Variants in DLG2 observed in about 807,000 individuals in gnomAD.
DLG2 encodes the protein discs large MAGUK scaffold protein 2.
A neutral mutation model predicts 132.5 loss-of-function variants in DLG2; 45 were observed. The ratio of observed to expected loss-of-function variants is 0.34; its 90% CI spans 0.27 to 0.44. The LOEUF is 0.44. Ranked by LOEUF, DLG2 falls within the 20% of genes least tolerant of loss-of-function variation. The pLI, the probability that DLG2 is intolerant of heterozygous loss-of-function variation, is 1.00. For synonymous variants in DLG2, 424 were observed against 419.6 expected, an observed-to-expected ratio of 1.01 and a Z score of -0.13; for missense variants, 1,045 against 1,196.9, an observed-to-expected ratio of 0.87 and a Z score of 1.87.
intron 6 of DLG2, among the ~76,000 whole-genome samples, chr11:85,070,700 C>T (rs1182166792): frequency 1.3e-5 from 2 of 151,816 alleles, no homozygotes; most frequent in East Asian, 1.9e-4. Flanking sequence ...CTACACTCTA[C>T]TGTGCTATAT....
intron 16 of DLG2, among the ~76,000 whole-genome samples, chr11:83,865,276 A>G (rs971090408): frequency 6.6e-6 from 1 of 152,148 alleles, no homozygotes; most frequent in Non-Finnish European, 1.5e-5. Context: ...TTCCCTTCCC[A>G]GACACATGAC....
intron 6 of DLG2, chr11:84,720,154 A>T (rs1596470585): frequency 9.5e-6 from 6 of 630,836 alleles, no homozygotes; most frequent in Non-Finnish European, 2.0e-6. Context: ...TGGCCCCCAA[A>T]CCCAGCTGGC....
At chr11:85,557,056 C>G (rs1265727048) in intron 3 of DLG2, among the ~76,000 whole-genome samples, 1 of 151,646 alleles carries the variant, frequency 6.6e-6, no homozygotes, top group Non-Finnish European at 1.5e-5. Context: ...AAGATTCTAC[C>G]AAGAAGCTCC....
At chr11:84,768,857 T>C (rs2068815134) in intron 6 of DLG2, among the ~76,000 whole-genome samples, 1 of 152,186 alleles carries the variant, frequency 6.6e-6, no homozygotes, top group South Asian at 2.1e-4. Context: ...GAAATCTCTC[T>C]CTAGGCCAGC....
chr11:83,627,673 T>A (rs1005719123), intron 19 of DLG2, among the ~76,000 whole-genome samples: 5 of 152,240 alleles, frequency 3.3e-5, no homozygotes, highest in African/African-American at 9.6e-5. Flanking sequence ...GCAATAAACA[T>A]GCGTGTGCAT....
In DLG2 at chr11:85,522,657, C is replaced by A. The variant is rs549715572; in HGVS notation, c.40+76000G>T. ...AGCCCACCGTTTGCATCAGCATGAA[C>A]TGGATGTAAGACATGGAGTCAAAGG... On this transcript the variant is annotated intron_variant, in intron 3 of 27. Coordinates refer to ENST00000376104, the MANE Select transcript of DLG2 (RefSeq NM_001142699.3). 1.4e-4 allele frequency among the ~76,000 whole-genome samples: 22 copies of A among 152,332 alleles called. 1 individual carries two copies. In the South Asian group the frequency reaches 4.3e-3, roughly 30 times the overall value.
At chr11:84,309,716 A>C (rs1001177755) in intron 7 of DLG2, among the ~76,000 whole-genome samples, 7 of 152,246 alleles carry the variant, frequency 4.6e-5, no homozygotes, top group Non-Finnish European at 5.9e-5. Flanking sequence ...ACCATGAAGA[A>C]GGTGGTATCA....
At chr11:84,231,639 G>A (rs1006091142) in intron 8 of DLG2, among the ~76,000 whole-genome samples, 9 of 152,126 alleles carry the variant, frequency 5.9e-5, no homozygotes, top group Non-Finnish European at 1.2e-4. Flanking sequence ...AGGAATGGAG[G>A]AAGATAAGGC....
At chr11:85,623,392 C>A (rs1263256292) in intron 2 of DLG2, among the ~76,000 whole-genome samples, 1 of 152,044 alleles carries the variant, frequency 6.6e-6, no homozygotes, top group African/African-American at 2.4e-5. Flanking sequence ...GCAACCTCCA[C>A]CTCCTGGGTT....
intron 4 of DLG2, among the ~76,000 whole-genome samples, chr11:85,219,890 C>T (rs929602455): frequency 6.6e-5 from 10 of 151,642 alleles, no homozygotes; most frequent in African/African-American, 2.4e-4. Flanking sequence ...GAGAACAGTA[C>T]TCAAGCAACC....
intron 4 of DLG2, among the ~76,000 whole-genome samples, chr11:85,236,282 A>G (rs577476766): frequency 6.6e-6 from 1 of 152,198 alleles, no homozygotes; most frequent in South Asian, 2.1e-4. Flanking sequence ...CTTCTATAAC[A>G]AAACATCACA....
rs72945810 is a variant in DLG2 at position 84,718,649 on chromosome 11, C to A, written c.358-183918G>T. 9.0e-3 allele frequency among the ~76,000 whole-genome samples: 1,375 copies of A among 152,234 alleles called. 11 individuals are homozygous for A. The highest frequency in any genetic ancestry group is 0.013 in the African/African-American group (526 of 41,526). On this transcript the variant is annotated intron_variant, in intron 6 of 27. Transcript: ENST00000376104. The stretch of plus-strand genomic sequence containing the variant: ...ACCTTTGTTAAATATCATTTAGCAC[C>A]GCTAAGTAATTCTTGTAAGTTCATG...
At chr11:84,640,231 G>A (rs908314948) in intron 6 of DLG2, 1 of 306,852 alleles carries the variant, frequency 3.3e-6, no homozygotes, top group South Asian at 3.0e-5. Flanking sequence ...ACATGATCAA[G>A]GGTGTTAACA....
At chr11:84,286,496 A>G (rs1449594641) in intron 7 of DLG2, among the ~76,000 whole-genome samples, 1 of 152,174 alleles carries the variant, frequency 6.6e-6, no homozygotes, top group African/African-American at 2.4e-5. Flanking sequence ...ACATGGAATA[A>G]CTTTTAAAGA....
chr11:83,609,844 T>C (rs1236557820), intron 19 of DLG2, among the ~76,000 whole-genome samples: 1 of 152,216 alleles, frequency 6.6e-6, no homozygotes, highest in Non-Finnish European at 1.5e-5. Flanking sequence ...TATGTCCTCA[T>C]GTAAAATAGA....
intron 6 of DLG2, among the ~76,000 whole-genome samples, chr11:84,657,457 G>A (rs1345473069): frequency 6.6e-6 from 1 of 152,088 alleles, no homozygotes; most frequent in Non-Finnish European, 1.5e-5. Context: ...CTACACATTG[G>A]ACCAGAAGTC....
At chr11:83,857,117 A>C (rs2060655106) in intron 16 of DLG2, among the ~76,000 whole-genome samples, 1 of 152,186 alleles carries the variant, frequency 6.6e-6, no homozygotes, top group South Asian at 2.1e-4. Flanking sequence ...CAGGTTTGTC[A>C]AAATCATATA....
Position 84,010,347 on chromosome 11 carries a change from C to T in DLG2, c.920-29705G>A, listed in dbSNP as rs1212169455. Among the ~76,000 whole-genome samples the T allele has an allele frequency of 1.9e-4, 29 of 151,766 alleles. 1 individual carries two copies. The highest frequency in any genetic ancestry group is 1.8e-3 in the Admixed American group (28 of 15,200). On this transcript the variant is annotated intron_variant, in intron 11 of 27. Coordinates refer to ENST00000376104, the MANE Select transcript of DLG2 (RefSeq NM_001142699.3). ...GAGACCGGATCTAACTGCTGGAGTGCAGTGGCACAATCATAGCTCCCTGTA... is the reference window on the plus strand; with the variant it reads ...GAGACCGGATCTAACTGCTGGAGTGTAGTGGCACAATCATAGCTCCCTGTA...
chr11:84,142,010 A>G (rs2094870823), intron 9 of DLG2, among the ~76,000 whole-genome samples: 3 of 152,078 alleles, frequency 2.0e-5, no homozygotes, highest in Admixed American at 1.3e-4. Context: ...CCAGGTAGAA[A>G]GGAGATTTGC....
Sources: gnomAD v4.1 joint callset for allele counts (sites outside exome capture counted in the v4.1 genomes callset) on GRCh38, gnomAD v4.1.1 for gene constraint, MANE v1.5 for transcripts, NCBI Gene and HGNC (gene_info 2026-07-23, HGNC 2026-07-21) for gene names.